The following RBM44 variants were observed in gnomAD, a reference collection of about 807,000 sequenced individuals.
RBM44 encodes the protein RNA-binding protein 44.
A neutral mutation model predicts 105.1 loss-of-function variants in RBM44; 66 were observed. The observed-to-expected ratio is 0.63, with a 90% confidence interval of 0.52 to 0.77. RBM44 has a LOEUF of 0.77. Among genes scored for constraint, RBM44 ranks in the 30% least tolerant of loss-of-function variants. RBM44 has a pLI of 0.00. For missense variants in RBM44, 1,122 were observed against 1,207.8 expected, an observed-to-expected ratio of 0.93 and a Z score of 1.05; for synonymous variants, 365 against 417.6, an observed-to-expected ratio of 0.87 and a Z score of 1.54.
intron 2 of RBM44, among the ~76,000 whole-genome samples, chr2:237,816,550 G>C (rs2061718878): frequency 6.6e-6 from 1 of 152,120 alleles, no homozygotes; most frequent in Non-Finnish European, 1.5e-5. Context: ...TTAAACAACA[G>C]GTGCTTATTT....
Position 237,834,416 on chromosome 2 carries a change from A to G in RBM44, c.*15A>G. The G allele has an allele frequency of 6.8e-7, 1 of 1,469,990 alleles. No homozygotes were observed. The highest frequency in any genetic ancestry group is 9.1e-7 in the Non-Finnish European group (1 of 1,096,468). The allele number at this position is 1,469,990 out of a possible 1,614,324, so 91.1% of individuals were successfully genotyped here. ...CTTCCAGTTAGGAATTCAAAAAACA[A>G]TAAAGAGGTAAAGTAATCATATTCT... On this transcript the variant is annotated 3_prime_UTR_variant, in exon 15 of 16. Coordinates refer to ENST00000316997, the MANE Select transcript of RBM44 (RefSeq NM_001080504.3).
chr2:237,803,284 C>T lies in RBM44; in HGVS notation c.-19+4423C>T, dbSNP rs1307301115. ...ACACACACACACACAGTCTCTCTGT[C>T]TCTGGGTGACAGAGCGAGACACACA... On this transcript the variant is annotated intron_variant, in intron 1 of 15. Coordinates refer to ENST00000316997, the MANE Select transcript of RBM44 (RefSeq NM_001080504.3). The surrounding 1 kb of genome is among the most constrained non-coding windows in gnomAD (Gnocchi z 4.2). Among the ~76,000 whole-genome samples, 1 of 151,606 alleles carries T rather than the reference C, an allele frequency of 6.6e-6. No homozygotes were observed. Among genetic ancestry groups the T allele is most frequent in the Non-Finnish European group, 1.5e-5 (1 of 67,916 alleles).
chr2:237,827,917 A>G (rs1200104928), intron 12 of RBM44, among the ~76,000 whole-genome samples: 1 of 152,112 alleles, frequency 6.6e-6, no homozygotes, highest in African/African-American at 2.4e-5. Context: ...CTCTTTGTCT[A>G]TAAAGTGAGG....
At chr2:237,800,968 C>A (rs2061539747) in intron 1 of RBM44, among the ~76,000 whole-genome samples, 1 of 152,212 alleles carries the variant, frequency 6.6e-6, no homozygotes, top group Admixed American at 6.5e-5. Flanking sequence ...ATCCACCCAC[C>A]TCGGCCTCCC....
At chr2:237,821,452 C>A in intron 7 of RBM44, 84 bp downstream of exon 7, 1 of 1,021,562 alleles carries the variant, frequency 9.8e-7, no homozygotes, top group Non-Finnish European at 1.4e-6. Flanking sequence ...TGTTTTGTTC[C>A]CTATTTAGAA....
intron 15 of RBM44, among the ~76,000 whole-genome samples, chr2:237,838,129 T>C (rs977204880): frequency 6.6e-6 from 1 of 152,060 alleles, no homozygotes; most frequent in Non-Finnish European, 1.5e-5. Flanking sequence ...ATGACATGAG[T>C]ACATCAGAGA....
chr2:237,829,755 G>A (rs758630869), intron 13 of RBM44, among the ~76,000 whole-genome samples: 43 of 152,126 alleles, frequency 2.8e-4, no homozygotes, highest in South Asian at 2.1e-4. Flanking sequence ...GTCTTTCGCC[G>A]TCTTTTTATT....
Position 237,813,645 on chromosome 2 carries a change from T to A in RBM44, c.36T>A (p.Gly12=). The change falls in exon 2 of 16, where the codon GGT becomes GGA. Residue 12 remains glycine (G), a synonymous_variant. Coordinates refer to ENST00000316997, the MANE Select transcript of RBM44 (RefSeq NM_001080504.3). ...QATAVVETAS[G]KGYHSNGGNL... is the part of the protein sequence containing the mutation. The stretch of plus-strand genomic sequence containing the variant: ...CTGCAGTGGTGGAGACAGCATCTGG[T>A]AAAGGCTACCACAGTAATGGAGGCA... 6.2e-7 allele frequency: 1 copy of A among 1,611,992 alleles called. No individual in the cohort carries two copies. The highest frequency in any genetic ancestry group is 8.5e-7 in the Non-Finnish European group (1 of 1,178,202).
chr2:237,826,051 C>T (rs767936062), intron 10 of RBM44, among the ~76,000 whole-genome samples: 4 of 152,052 alleles, frequency 2.6e-5, no homozygotes, highest in East Asian at 1.9e-4. Flanking sequence ...TACCTTGTGG[C>T]GTGGTTGTGA....
chr2:237,819,989 T>C (rs1267036853), intron 4 of RBM44, among the ~76,000 whole-genome samples, 186 bp from the exon 5 acceptor site: 1 of 152,030 alleles, frequency 6.6e-6, no homozygotes, highest in Admixed American at 6.6e-5. Context: ...CTAGAATGAA[T>C]ATATTTAGCT....
intron 2 of RBM44, among the ~76,000 whole-genome samples, chr2:237,816,569 T>A (rs181219262): frequency 6.6e-6 from 1 of 152,204 alleles, no homozygotes; most frequent in Non-Finnish European, 1.5e-5. Flanking sequence ...TTTCTCATAG[T>A]TTTGGAGGCT....
At chr2:237,816,103 G>A (rs1176631011) in intron 2 of RBM44, among the ~76,000 whole-genome samples, 1 of 152,074 alleles carries the variant, frequency 6.6e-6, no homozygotes, top group Non-Finnish European at 1.5e-5. Flanking sequence ...CTTTCACACG[G>A]CTAATTGTAC....
Position 237,817,243 on chromosome 2 carries a change from G to T in RBM44, c.324G>T (p.Leu108Phe). 6.2e-7 allele frequency: 1 copy of T among 1,604,434 alleles called. No individual in the cohort carries two copies. The highest frequency in any genetic ancestry group is 1.1e-5 in the South Asian group (1 of 90,014). Reference sequence around the variant, plus strand: ...AAGACAGTACTGACTATGCTTTCTTGAATAAAACATATTCTATACCTTATT... The same window carrying T: ...AAGACAGTACTGACTATGCTTTCTTTAATAAAACATATTCTATACCTTATT... ...ELEDSTDYAF[L>F]NKTYSIPYSE... is the part of the protein sequence containing the mutation. The change falls in exon 3 of 16, where the codon TTG (leucine) becomes TTT (phenylalanine). Residue 108 changes from leucine (L) to phenylalanine (F), a missense_variant. Transcript: ENST00000316997.
chr2:237,825,758 T>C (rs2150984520), intron 10 of RBM44, among the ~76,000 whole-genome samples: 1 of 152,298 alleles, frequency 6.6e-6, no homozygotes, highest in East Asian at 1.9e-4. Flanking sequence ...ATGGGTATAA[T>C]GTATGTCTTC....
intron 15 of RBM44, among the ~76,000 whole-genome samples, chr2:237,840,034 C>A (rs560326889): frequency 6.6e-6 from 1 of 151,822 alleles, no homozygotes; most frequent in African/African-American, 2.4e-5. Context: ...ACAAAAAATA[C>A]GAAAATTAGC....
chr2:237,823,479 A>G lies in RBM44; in HGVS notation c.2245A>G (p.Ile749Val). Residue 749 changes from isoleucine to valine, a missense_variant, in exon 9 of 16, where the codon ATA (isoleucine) becomes GTA (valine). Ile to Val is a conservative substitution (Grantham distance 29, BLOSUM62 3). Around this residue, in one of 3 missense-constraint regions of RBM44, gnomAD observed 918 missense variants for 955.3 expected, o/e 0.96. Transcript: ENST00000316997. Reference protein sequence around the residue: ...SSDNSHATQNISPKKDDFKNG... With the variant: ...SSDNSHATQNVSPKKDDFKNG... ...TGACAATAGTCATGCTACACAAAAC[A>G]TATCACCCAAGAAAGATGACTTTAA... The G allele has an allele frequency of 6.5e-7, 1 of 1,539,382 alleles. No homozygotes were observed. Among genetic ancestry groups the G allele is most frequent in the South Asian group, 1.2e-5 (1 of 83,804 alleles).
In RBM44 at chr2:237,803,286, CTGGG is replaced by C. The variant is rs909705750; in HGVS notation, c.-19+4428_-19+4431del. 2.0e-5 allele frequency among the ~76,000 whole-genome samples: 3 copies of C among 151,824 alleles called. No homozygotes were observed. The highest frequency in any genetic ancestry group is 7.3e-5 in the African/African-American group (3 of 41,326). ...ACACACACACACAGTCTCTCTGTCT[CTGGG>C]TGACAGAGCGAGACACACACACACA... On this transcript the variant is annotated intron_variant, in intron 1 of 15. Coordinates refer to ENST00000316997, the MANE Select transcript of RBM44 (RefSeq NM_001080504.3). This position sits in a 1 kb window ranked among gnomAD's most constrained non-coding sequence, Gnocchi z 4.2.
At position 237,817,048 on chromosome 2, in the gene RBM44, T is replaced by A; in HGVS notation, c.129T>A (p.Asp43Glu). The change falls in exon 3 of 16, where the codon GAT becomes GAA. Residue 43 changes from aspartate (D) to glutamate (E), a missense_variant. Physicochemically the swap from Asp to Glu is conservative, Grantham distance 45. Transcript: ENST00000316997. The stretch of plus-strand genomic sequence containing the variant: ...TGTTATTATCCTCCAATGGTTGTGA[T>A]GAAGTCAAATTGACTTTTCCTGATG... ...ENLLLSSNGC[D>E]EVKLTFPDDD... The A allele has an allele frequency of 6.3e-7, 1 of 1,590,428 alleles. No individual in the cohort carries two copies. The highest frequency in any genetic ancestry group is 8.5e-7 in the Non-Finnish European group (1 of 1,170,178).
chr2:237,817,292 A>G lies in RBM44; in HGVS notation c.373A>G (p.Ser125Gly). 4 of 1,605,882 alleles carry G rather than the reference A, an allele frequency of 2.5e-6. No individual in the cohort carries two copies. Among genetic ancestry groups the G allele is most frequent in the Non-Finnish European group, 3.4e-6 (4 of 1,175,484 alleles). ...TTCAGAGTCAAAACTAAAGAAGGAA[A>G]GTCTTACTCCTTTAAGTTCAGAATT... Reference protein sequence around the residue: ...PYSESKLKKESLTPLSSELDP... With the variant: ...PYSESKLKKEGLTPLSSELDP... The change falls in exon 3 of 16, where the codon AGT (serine) becomes GGT (glycine). Residue 125 changes from serine (S) to glycine (G), a missense_variant. Physicochemically the swap from Ser to Gly is moderately conservative, Grantham distance 56. Coordinates refer to ENST00000316997, the MANE Select transcript of RBM44 (RefSeq NM_001080504.3).
Sources: allele counts gnomAD v4.1 joint callset (sites outside exome capture counted in the v4.1 genomes callset), GRCh38; gene constraint gnomAD v4.1.1; regional missense constraint gnomAD v4.1.1; non-coding constraint Gnocchi (gnomAD v3.1); transcripts MANE v1.5; gene names NCBI Gene and HGNC (gene_info 2026-07-23, HGNC 2026-07-21).